Variants in KIF26B observed in about 807,000 individuals in gnomAD.
The protein encoded by KIF26B is kinesin-like protein KIF26B.
A neutral mutation model predicts 151.2 loss-of-function variants in KIF26B; 63 were observed. The observed-to-expected ratio is 0.42, with a 90% CI of 0.34 to 0.51. The LOEUF is 0.51. KIF26B is among the 20% of genes least tolerant of loss of function. The pLI, the probability that KIF26B is intolerant of heterozygous loss-of-function variation, is 0.07. For missense variants in KIF26B, 2,813 were observed against 2,913.6 expected (o/e 0.97, Z 0.79); for synonymous variants, 1,357 against 1,262.1 (o/e 1.08, Z -1.59).
At chr1:245,362,730 T>A (rs1672853480) in intron 2 of KIF26B, among the ~76,000 whole-genome samples, 2 of 152,138 alleles carry the variant, frequency 1.3e-5, no homozygotes, top group Admixed American at 1.3e-4. Context: ...CACCTCAGCC[T>A]CCCAAAGTGC....
At chr1:245,456,603 A>T (rs1420476744) in intron 4 of KIF26B, among the ~76,000 whole-genome samples, 3 of 152,016 alleles carry the variant, frequency 2.0e-5, no homozygotes, top group South Asian at 2.1e-4. Flanking sequence ...ATCCTGCTAA[A>T]TTTTTTTCTG....
intron 5 of KIF26B, among the ~76,000 whole-genome samples, chr1:245,559,985 A>C (rs1392178720): frequency 6.6e-6 from 1 of 150,740 alleles, no homozygotes; most frequent in Non-Finnish European, 1.5e-5. Flanking sequence ...CTGTCTGTTC[A>C]TCTGCTGTCG....
intron 2 of KIF26B, among the ~76,000 whole-genome samples, chr1:245,194,083 A>G (rs1452941686): frequency 2.0e-5 from 3 of 152,334 alleles, no homozygotes; most frequent in Non-Finnish European, 4.4e-5. Flanking sequence ...ACACTGGGTC[A>G]TTTGATTTCT....
intron 4 of KIF26B, among the ~76,000 whole-genome samples, chr1:245,437,718 A>C (rs966838914): frequency 6.6e-6 from 1 of 152,190 alleles, no homozygotes; most frequent in Non-Finnish European, 1.5e-5. Context: ...GGAGCTCATA[A>C]ATTAAAAATA....
At chr1:245,240,302 G>A (rs1670192001) in intron 2 of KIF26B, among the ~76,000 whole-genome samples, 1 of 152,178 alleles carries the variant, frequency 6.6e-6, no homozygotes, top group Admixed American at 6.5e-5. Context: ...CTTCTTAGGG[G>A]AGGGGAAGGC....
intron 5 of KIF26B, among the ~76,000 whole-genome samples, chr1:245,583,189 T>A (rs1037629684): frequency 6.6e-6 from 1 of 152,170 alleles, no homozygotes; most frequent in Admixed American, 6.5e-5. Flanking sequence ...CCAGGGAAGA[T>A]CCCGTTGCTG....
chr1:245,431,823 T>C lies in KIF26B; in HGVS notation c.1166+12078T>C, dbSNP rs1040422052. On this transcript the variant is annotated intron_variant, in intron 4 of 14. Coordinates refer to ENST00000407071, the MANE Select transcript of KIF26B (RefSeq NM_018012.4). ...TCTAATTTTGTTAGTTACTAAAATA[T>C]CGCTTTCAGTCTCATGCAGTAAAAG... Among the ~76,000 whole-genome samples, 13 of 152,190 alleles carry C rather than the reference T, an allele frequency of 8.5e-5. No individual in the cohort carries two copies. In the South Asian group the frequency reaches 2.7e-3, roughly 31 times the overall value.
At chr1:245,323,753 T>C (rs1446127457) in intron 2 of KIF26B, among the ~76,000 whole-genome samples, 4 of 152,268 alleles carry the variant, frequency 2.6e-5, no homozygotes. Flanking sequence ...TATTCGCTTA[T>C]TCACTCAAAA....
intron 2 of KIF26B, among the ~76,000 whole-genome samples, chr1:245,331,526 T>C (rs1326366469): frequency 6.6e-6 from 1 of 152,156 alleles, no homozygotes; most frequent in Non-Finnish European, 1.5e-5. Flanking sequence ...CTACCTGTGG[T>C]GGACACCTTT....
chr1:245,522,383 A>G (rs945144471), intron 4 of KIF26B, among the ~76,000 whole-genome samples: 2 of 152,200 alleles, frequency 1.3e-5, no homozygotes, highest in Admixed American at 6.5e-5. Flanking sequence ...GATTTTGCGC[A>G]CATGCTCTCT....
rs1044733913 is a variant in KIF26B, at chr1:245,375,817, C to T, written c.999+8450C>T. 4.6e-5 allele frequency among the ~76,000 whole-genome samples: 7 copies of T among 152,118 alleles called. No homozygotes were observed. The highest frequency in any genetic ancestry group is 2.6e-4 in the Admixed American group (4 of 15,266). ...GCAGAAACCTGCAGGACAGCAAGAACGTGGGCTTTTCATCTCACACAACAA... is the reference window on the plus strand; with the variant it reads ...GCAGAAACCTGCAGGACAGCAAGAATGTGGGCTTTTCATCTCACACAACAA... On this transcript the variant is annotated intron_variant, in intron 3 of 14. Coordinates refer to ENST00000407071, the MANE Select transcript of KIF26B (RefSeq NM_018012.4). This position sits in a 1 kb window ranked among gnomAD's most constrained non-coding sequence, Gnocchi z 4.2.
intron 2 of KIF26B, among the ~76,000 whole-genome samples, chr1:245,336,622 T>C (rs566890475): frequency 2.5e-4 from 38 of 152,330 alleles, no homozygotes; most frequent in African/African-American, 7.9e-4. Context: ...TGAGCACTCA[T>C]TCTTGGGAGA....
chr1:245,685,678 A>T lies in KIF26B; in HGVS notation c.2695A>T (p.Thr899Ser). The T allele has an allele frequency of 6.2e-7, 1 of 1,612,796 alleles. No homozygotes were observed. Among genetic ancestry groups the T allele is most frequent in the Admixed American group, 1.7e-5 (1 of 59,956 alleles). ...FVPIVPALQK[T>S]RGDSRPAEAG... ...CCCTATCGTGCCAGCCCTGCAGAAG[A>T]CCCGGGGCGACAGCCGGCCCGCAGA... is the stretch of plus-strand genomic sequence containing the variant. The change falls in exon 12 of 15, where the codon ACC becomes TCC. Residue 899 changes from threonine (T) to serine (S), a missense_variant. Thr to Ser is a moderately conservative substitution (Grantham distance 58). Transcript: ENST00000407071.
intron 2 of KIF26B, among the ~76,000 whole-genome samples, chr1:245,355,665 G>C (rs1672680436): frequency 6.6e-6 from 1 of 152,060 alleles, no homozygotes; most frequent in Non-Finnish European, 1.5e-5. Flanking sequence ...AGAACCATTG[G>C]AGTAGAGAGA....
chr1:245,353,218 G>C (rs1256133740), intron 2 of KIF26B, among the ~76,000 whole-genome samples: 2 of 152,186 alleles, frequency 1.3e-5, no homozygotes, highest in East Asian at 3.9e-4. Context: ...AGGCAGCAGG[G>C]AGAGGGGTCC....
intron 3 of KIF26B, among the ~76,000 whole-genome samples, chr1:245,402,610 C>T (rs769164653): frequency 2.6e-5 from 4 of 152,136 alleles, no homozygotes; most frequent in South Asian, 2.1e-4. Flanking sequence ...CAGAGTTTGA[C>T]GTGTCTAAAT....
chr1:245,176,241 C>T (rs547785771), intron 2 of KIF26B, among the ~76,000 whole-genome samples: 6 of 152,058 alleles, frequency 3.9e-5, no homozygotes, highest in African/African-American at 9.7e-5. Context: ...TCAGGTGATC[C>T]GCCTGCCTCA....
At chr1:245,212,730 G>A (rs570034535) in intron 2 of KIF26B, among the ~76,000 whole-genome samples, 1 of 152,320 alleles carries the variant, frequency 6.6e-6, no homozygotes, top group African/African-American at 2.4e-5. Flanking sequence ...CGGCACCGTC[G>A]GGCCCCGAGT....
At chr1:245,641,251 GT>G (rs2043888627) in intron 9 of KIF26B, among the ~76,000 whole-genome samples, 1 of 151,392 alleles carries the variant, frequency 6.6e-6, no homozygotes, top group East Asian at 1.9e-4. Flanking sequence ...CTCTCTCACT[GT>G]TTTTAGGACC....
Sources: gnomAD v4.1 joint callset for allele counts (sites outside exome capture counted in the v4.1 genomes callset) on GRCh38, gnomAD v4.1.1 for gene constraint, Gnocchi (gnomAD v3.1) non-coding constraint, MANE v1.5 for transcripts, NCBI Gene and HGNC (gene_info 2026-07-23, HGNC 2026-07-21) for gene names.